Variants in ADGRE5 observed in about 807,000 individuals in gnomAD.
ADGRE5 encodes CD97 molecule.
A neutral mutation model predicts 100.3 loss-of-function variants in ADGRE5; 72 were observed. The ratio of observed to expected loss-of-function variants is 0.72; its 90% confidence interval spans 0.59 to 0.87. The LOEUF is 0.87. Ranked by LOEUF, ADGRE5 falls within the 40% of genes least tolerant of loss-of-function variation. The probability of loss-of-function intolerance (pLI) is 0.00; values close to 1 mark genes in which losing one functional copy is unlikely to be tolerated. For missense variants in ADGRE5, 959 were observed against 1,094.7 expected, an observed-to-expected ratio of 0.88 and a Z score of 1.75; for synonymous variants, 439 against 447.8, an observed-to-expected ratio of 0.98 and a Z score of 0.25.
rs75739583 is a variant in ADGRE5 at position 14,408,568 on chromosome 19, G to C, written c.*447G>C. The C allele has an allele frequency of 4.0e-3, 1,723 of 432,870 alleles. 32 individuals carry two copies. Among genetic ancestry groups the C allele is most frequent in the African/African-American group, 0.031 (1,612 of 51,372 alleles). 26.8% of individuals were successfully genotyped at this position (432,870 alleles called of 1,614,324 possible). On this transcript the variant is annotated 3_prime_UTR_variant, in exon 20 of 20. Coordinates refer to ENST00000242786, the MANE Select transcript of ADGRE5 (RefSeq NM_078481.4). Reference sequence around the variant, plus strand: ...CAGAGGCCCCATGGCGAGGCCCCTTGGGGCCACTGCCTGAGGCTCACGGTA... The same window carrying C: ...CAGAGGCCCCATGGCGAGGCCCCTTCGGGCCACTGCCTGAGGCTCACGGTA...
chr19:14,407,103 C>G lies in ADGRE5; in HGVS notation c.2250C>G (p.Gly750=). The part of the protein sequence containing the change: ...ITAIAQLFLL[G]CTWVFGLFIF... ...CCATCGCGCAGCTCTTCCTGTTGGG[C>G]TGCACCTGGGTCTTTGGCCTGTTCA... Residue 750 remains glycine, a synonymous_variant, in exon 18 of 20, where the codon GGC becomes GGG. Transcript: ENST00000242786. 1 of 1,614,164 alleles carries G rather than the reference C, an allele frequency of 6.2e-7. No homozygotes were observed. Among genetic ancestry groups the G allele is most frequent in the Non-Finnish European group, 8.5e-7 (1 of 1,180,040 alleles).
intron 12 of ADGRE5, among the ~76,000 whole-genome samples, chr19:14,403,929 T>C (rs1050598556): frequency 1.5e-5 from 2 of 132,024 alleles, no homozygotes; most frequent in Non-Finnish European, 3.1e-5. Flanking sequence ...CAGGCTGGAG[T>C]GCAGTGGCTC....
chr19:14,398,268 A>G, intron 9 of ADGRE5, 129 bp downstream of exon 9: 1 of 754,724 alleles, frequency 1.3e-6, no homozygotes, highest in Non-Finnish European at 2.3e-6. Context: ...CATAACATAC[A>G]CACACCACAT....
intron 12 of ADGRE5, 71 bp from the exon 13 acceptor site, chr19:14,404,304 CCTCTTAGA>C: frequency 7.5e-7 from 1 of 1,341,810 alleles, no homozygotes; most frequent in Non-Finnish European, 1.0e-6. Flanking sequence ...AAAAAGCAGC[CCTCTTAGA>C]CTCAGCCCAA....
At chr19:14,407,884 C>T in intron 18 of ADGRE5, 24 bp from the exon 19 acceptor site, 1 of 1,608,744 alleles carries the variant, frequency 6.2e-7, no homozygotes, top group Non-Finnish European at 8.5e-7. Context: ...TGCTCCTGCC[C>T]TGACTTGGTG....
intron 12 of ADGRE5, among the ~76,000 whole-genome samples, chr19:14,403,270 G>A (rs1463816089): frequency 1.3e-5 from 2 of 151,946 alleles, no homozygotes; most frequent in Admixed American, 6.6e-5. Flanking sequence ...TCAAACTCCC[G>A]ACCTCAGGTG....
Position 14,408,008 on chromosome 19 carries a change from G to T in ADGRE5, c.2477G>T (p.Arg826Leu). 6.2e-7 allele frequency: 1 copy of T among 1,614,148 alleles called. No homozygotes were observed. The highest frequency in any genetic ancestry group is 2.2e-5 in the East Asian group (1 of 44,886). The stretch of plus-strand genomic sequence containing the variant: ...TCTGGCACTGGCCACAATCAGACCC[G>T]GGTAAGGGGCTGCGCCTGGGGCGGG... ...TTSGTGHNQT[R>L]ALRASESGI The change falls in exon 19 of 20, where the codon CGG (arginine) becomes CTG (leucine). Residue 826 changes from arginine to leucine, a missense_variant and splice_region_variant. By Grantham distance (102) the Arg-to-Leu change is moderately radical. Coordinates refer to ENST00000242786, the MANE Select transcript of ADGRE5 (RefSeq NM_078481.4).
intron 1 of ADGRE5, among the ~76,000 whole-genome samples, chr19:14,383,497 T>G (rs1316808243): frequency 6.6e-6 from 1 of 152,100 alleles, no homozygotes; most frequent in Non-Finnish European, 1.5e-5. Flanking sequence ...AGTGAGACCC[T>G]GTCTCAAAAT....
chr19:14,393,891 C>A (rs1229927967), intron 4 of ADGRE5, among the ~76,000 whole-genome samples: 59 of 152,280 alleles, frequency 3.9e-4, no homozygotes, highest in Non-Finnish European at 1.0e-4. Flanking sequence ...GGAAAAAGAT[C>A]CCCCTCTCCC....
chr19:14,405,686 A>G, intron 13 of ADGRE5, 62 bp from the exon 14 acceptor site: 1 of 1,290,264 alleles, frequency 7.8e-7, no homozygotes, highest in Non-Finnish European at 1.1e-6. Context: ...AAAAGGGACC[A>G]CAAAGAGGGC....
intron 9 of ADGRE5, among the ~76,000 whole-genome samples, chr19:14,399,465 G>T (rs1222618405): frequency 6.7e-6 from 1 of 149,130 alleles, no homozygotes. Context: ...TTGGGAGGCT[G>T]AGGCAGGAGA....
chr19:14,393,428 C>A (rs1427432216), intron 4 of ADGRE5, among the ~76,000 whole-genome samples: 1 of 152,208 alleles, frequency 6.6e-6, no homozygotes, highest in African/African-American at 2.4e-5. Flanking sequence ...AACTGGGACT[C>A]CAGGCTTTGC....
Position 14,388,491 on chromosome 19 carries a change from G to T in ADGRE5, c.64G>T (p.Asp22Tyr). 1.3e-6 allele frequency: 2 copies of T among 1,596,914 alleles called. No individual in the cohort carries two copies. Among genetic ancestry groups the T allele is most frequent in the Non-Finnish European group, 1.7e-6 (2 of 1,170,750 alleles). Reference protein sequence around the residue: ...WLTLPGAETQDSRGCARWCPQ... With the variant: ...WLTLPGAETQYSRGCARWCPQ... ...GACTCTGCCGGGAGCTGAAACCCAG[G>T]ACTCCAGGGGTGAGTCTGCTGGGAA... The change falls in exon 2 of 20, where the codon GAC (aspartate) becomes TAC (tyrosine). Residue 22 changes from aspartate (D) to tyrosine (Y), a missense_variant. By Grantham distance (160) the Asp-to-Tyr change is radical (BLOSUM62 -3). This residue lies in a region of ADGRE5 where 114 missense variants were observed against 195.7 expected (regional missense o/e 0.58). Coordinates refer to ENST00000242786, the MANE Select transcript of ADGRE5 (RefSeq NM_078481.4).
At chr19:14,383,466 C>T (rs1276912337) in intron 1 of ADGRE5, among the ~76,000 whole-genome samples, 1 of 152,056 alleles carries the variant, frequency 6.6e-6, no homozygotes, top group Non-Finnish European at 1.5e-5. Context: ...GATCACGCCA[C>T]TGCACTCCAG....
chr19:14,391,040 G>C lies in ADGRE5; in HGVS notation c.307G>C (p.Ala103Pro), dbSNP rs182764319. ...CSPGYEPVSGAKTFKNESENT... is the reference protein window; with the variant it reads ...CSPGYEPVSGPKTFKNESENT... ...CCCGGGATATGAGCCTGTTTCTGGG[G>C]CAAAAACATTCAAGAATGAGAGCGA... Residue 103 changes from alanine to proline, a missense_variant, in exon 4 of 20, where the codon GCA becomes CCA. Physicochemically the swap from Ala to Pro is conservative, Grantham distance 27. This residue lies in a region of ADGRE5 where 114 missense variants were observed against 195.7 expected (regional missense o/e 0.58). Transcript: ENST00000242786. The C allele has an allele frequency of 3.4e-5, 55 of 1,614,182 alleles. 1 individual carries two copies. The Admixed American group carries it at 7.0e-4, about 21-fold the overall frequency.
intron 12 of ADGRE5, among the ~76,000 whole-genome samples, chr19:14,403,359 T>G (rs1323708570): frequency 6.6e-6 from 1 of 151,708 alleles, no homozygotes; most frequent in Non-Finnish European, 1.5e-5. Flanking sequence ...TCTTATTTAT[T>G]TATATTTTTA....
chr19:14,389,639 G>C (rs910930710), intron 3 of ADGRE5, among the ~76,000 whole-genome samples: 6 of 151,822 alleles, frequency 4.0e-5, no homozygotes, highest in Non-Finnish European at 7.4e-5. Flanking sequence ...GGGAGGCTGA[G>C]GCAGGAGAAT....
intron 1 of ADGRE5, among the ~76,000 whole-genome samples, chr19:14,386,012 C>T (rs1404650094): frequency 6.6e-6 from 1 of 151,414 alleles, no homozygotes; most frequent in Non-Finnish European, 1.5e-5. Context: ...CTCAAGTGAT[C>T]CACCCGCCTC....
At position 14,388,710 on chromosome 19, in the gene ADGRE5, C is replaced by T. The variant is rs747103996; in HGVS notation, c.82C>T (p.Arg28Trp). 12 of 1,613,816 alleles carry T rather than the reference C, an allele frequency of 7.4e-6. No homozygotes were observed. Among genetic ancestry groups the T allele is most frequent in the Middle Eastern group, 1.7e-4 (1 of 6,056 alleles). ...GCTCCCTGCTCTTGCAGGCTGTGCC[C>T]GGTGGTGCCCTCAGAACTCCTCGTG... ...AETQDSRGCA[R>W]WCPQNSSCVN... The change falls in exon 3 of 20, where the codon CGG becomes TGG. Residue 28 changes from arginine to tryptophan, a missense_variant. Arg to Trp is a moderately radical substitution (Grantham distance 101, BLOSUM62 -3). Around this residue, in one of 6 missense-constraint regions of ADGRE5, gnomAD observed 114 missense variants for 195.7 expected, o/e 0.58. Transcript: ENST00000242786.
Sources: allele counts gnomAD v4.1 joint callset (sites outside exome capture counted in the v4.1 genomes callset), GRCh38; gene constraint gnomAD v4.1.1; regional missense constraint gnomAD v4.1.1; transcripts MANE v1.5; gene names NCBI Gene and HGNC (gene_info 2026-07-23, HGNC 2026-07-21).